The following ITGB3BP variants were observed in gnomAD, a reference collection of about 807,000 sequenced individuals.
ITGB3BP encodes the protein centromere protein R.
ITGB3BP carries 27 observed loss-of-function variants against 29.1 expected under a neutral mutation model. The ratio of observed to expected loss-of-function variants is 0.93; its 90% CI spans 0.68 to 1.28. The LOEUF is 1.28. Ranked by LOEUF, ITGB3BP falls within the 50% of genes most tolerant of loss-of-function variation. The pLI is 0.00. For missense variants in ITGB3BP, 192 were observed against 200.2 expected (o/e 0.96, Z 0.25); for synonymous variants, 61 against 61.4 (o/e 0.99, Z 0.03).
chr1:63,471,255 T>G (rs1355558624), intron 4 of ITGB3BP, among the ~76,000 whole-genome samples: 1 of 148,068 alleles, frequency 6.8e-6, no homozygotes, highest in African/African-American at 2.5e-5. Context: ...GGTCCAGTCC[T>G]CTAAAAGTTT....
chr1:63,446,058 C>T (rs1336683927), intron 8 of ITGB3BP, among the ~76,000 whole-genome samples: 2 of 152,164 alleles, frequency 1.3e-5, no homozygotes, highest in South Asian at 2.1e-4. Flanking sequence ...GCAAGCTAGC[C>T]GGCTAATTTT....
intron 1 of ITGB3BP, among the ~76,000 whole-genome samples, chr1:63,521,928 T>C (rs994230324): frequency 6.6e-5 from 10 of 152,248 alleles, no homozygotes; most frequent in African/African-American, 2.2e-4. Flanking sequence ...GTGTGTGTGA[T>C]TGTGTGACAT....
chr1:63,508,891 T>A (rs146874207), intron 1 of ITGB3BP, among the ~76,000 whole-genome samples: 1,919 of 152,294 alleles, frequency 0.013, 40 homozygotes, highest in African/African-American at 0.044. Flanking sequence ...AGTTAGTATG[T>A]TTGTCTGCTT....
intron 7 of ITGB3BP, among the ~76,000 whole-genome samples, chr1:63,453,149 A>T (rs993957589): frequency 3.9e-5 from 6 of 152,188 alleles, no homozygotes; most frequent in African/African-American, 1.4e-4. Context: ...ATGATAATAC[A>T]GTGTAGCTAT....
chr1:63,461,526 G>GAATC (rs1269494291), intron 4 of ITGB3BP, among the ~76,000 whole-genome samples: 1 of 152,012 alleles, frequency 6.6e-6, no homozygotes, highest in Non-Finnish European at 1.5e-5. Flanking sequence ...TGTTATATAA[G>GAATC]AATCTATCAA....
upstream of ITGB3BP, chr1:63,528,012 CA>C (rs1022119206): frequency 6.6e-6 from 1 of 152,150 alleles, no homozygotes; most frequent in Non-Finnish European, 1.5e-5. Flanking sequence ...CTGTGGAGAA[CA>C]GTTTGGAGGC....
At chr1:63,471,699 TA>T (rs776364456) in intron 4 of ITGB3BP, among the ~76,000 whole-genome samples, 19 of 152,240 alleles carry the variant, frequency 1.2e-4, no homozygotes, top group Non-Finnish European at 2.5e-4. Flanking sequence ...GAGAAAAGGA[TA>T]TATACAACTA....
intron 3 of ITGB3BP, 75 bp from the exon 4 acceptor site, chr1:63,478,908 T>C: frequency 1.9e-6 from 1 of 526,564 alleles, no homozygotes; most frequent in Non-Finnish European, 3.2e-6. Context: ...ATTTAGTTTG[T>C]CAAATTTTAA....
chr1:63,503,601 G>C (rs986839255), intron 2 of ITGB3BP, among the ~76,000 whole-genome samples: 9 of 152,154 alleles, frequency 5.9e-5, no homozygotes, highest in African/African-American at 1.7e-4. Context: ...CCTATGTCCT[G>C]AATGGTATTG....
chr1:63,472,994 G>A (rs1299432538), intron 4 of ITGB3BP, among the ~76,000 whole-genome samples: 9 of 151,100 alleles, frequency 6.0e-5, no homozygotes, highest in East Asian at 2.0e-4. Flanking sequence ...AGTGAGGAGC[G>A]TCTCTGCCCA....
intron 1 of ITGB3BP, chr1:63,509,947 C>A (rs116263404): frequency 0.019 from 7,698 of 396,326 alleles, 104 homozygotes; most frequent in Non-Finnish European, 0.027. Flanking sequence ...AATCTCAGTA[C>A]TTTGGAAGGC....
At chr1:63,463,434 T>C (rs1645051090) in intron 4 of ITGB3BP, among the ~76,000 whole-genome samples, 1 of 152,136 alleles carries the variant, frequency 6.6e-6, no homozygotes. Flanking sequence ...ATCAGTGGAT[T>C]GAGTCAATGT....
chr1:63,501,125 A>G (rs1453738998), intron 2 of ITGB3BP, among the ~76,000 whole-genome samples: 1 of 152,184 alleles, frequency 6.6e-6, no homozygotes, highest in Non-Finnish European at 1.5e-5. Context: ...TATCTGTTTC[A>G]GTAACTGGTT....
rs777568816 is a variant in ITGB3BP, at chr1:63,478,817, C to G, written c.201G>C (p.Leu67Phe). The G allele has an allele frequency of 7.2e-7, 1 of 1,387,618 alleles. No individual in the cohort carries two copies. Among genetic ancestry groups the G allele is most frequent in the Non-Finnish European group, 9.8e-7 (1 of 1,019,210 alleles). The allele number at this position is 1,387,618 out of a possible 1,614,324, so 86.0% of individuals were successfully genotyped here. ...TGCTTTCAGTTAAACTGGGGTGATT[C>G]AATTTTTTTCTCTTTTCTATATATG... Reference protein sequence around the residue: ...NGLSNEKRKKLNHPSLTESKE... With the variant: ...NGLSNEKRKKFNHPSLTESKE... The change falls in exon 4 of 9, where the codon TTG becomes TTC. Residue 67 changes from leucine (L) to phenylalanine (F), a missense_variant. By Grantham distance (22) the Leu-to-Phe change is conservative (BLOSUM62 0). Transcript: ENST00000271002.
chr1:63,502,931 G>T (rs1476831316), intron 2 of ITGB3BP, among the ~76,000 whole-genome samples: 1 of 152,060 alleles, frequency 6.6e-6, no homozygotes, highest in Non-Finnish European at 1.5e-5. Context: ...CATTTGGCTT[G>T]GTTCCAAGTC....
At chr1:63,486,293 T>C (rs1645528587) in intron 3 of ITGB3BP, among the ~76,000 whole-genome samples, 2 of 152,000 alleles carry the variant, frequency 1.3e-5, no homozygotes, top group African/African-American at 4.8e-5. Context: ...TTTCTCTTTC[T>C]TCTTTTCTAA....
intron 4 of ITGB3BP, among the ~76,000 whole-genome samples, chr1:63,478,425 A>G (rs550020698): frequency 7.4e-4 from 113 of 152,308 alleles, no homozygotes; most frequent in African/African-American, 2.7e-3. Context: ...TGAACCAGCT[A>G]TTTGTTAAGA....
At chr1:63,493,088 A>ACGCGTGCG (rs1553164248) in intron 2 of ITGB3BP, among the ~76,000 whole-genome samples, 4 of 148,726 alleles carry the variant, frequency 2.7e-5, no homozygotes, top group Non-Finnish European at 5.9e-5. Flanking sequence ...ACACACACAC[A>ACGCGTGCG]CGCGCGCGCG....
At chr1:63,526,658 A>G (rs1279863005), upstream of ITGB3BP, among the ~76,000 whole-genome samples, 1 of 152,240 alleles carries the variant, frequency 6.6e-6, no homozygotes, top group Non-Finnish European at 1.5e-5. Context: ...TTTTAAAGTC[A>G]TGTTTAATTT....
Sources: gnomAD v4.1 joint callset for allele counts (sites outside exome capture counted in the v4.1 genomes callset) on GRCh38, gnomAD v4.1.1 for gene constraint, MANE v1.5 for transcripts, NCBI Gene and HGNC (gene_info 2026-07-23, HGNC 2026-07-21) for gene names.